Variants in SLC16A2 observed in about 807,000 individuals in gnomAD.
The protein encoded by SLC16A2 is solute carrier family 16 member 2, also known as monocarboxylate transporter 8.
Under a neutral mutation model 27.2 loss-of-function variants are expected in SLC16A2, and 3 were observed. That is an observed-to-expected ratio of 0.11 (90% CI 0.05 to 0.28). The LOEUF is 0.28. SLC16A2 is among the 10% of genes least tolerant of loss of function. SLC16A2 has a pLI of 1.00. For synonymous variants in SLC16A2, 202 were observed against 187.8 expected (o/e 1.08, Z -0.62); for missense variants, 295 against 458.5 (o/e 0.64, Z 3.26).
chrX:74,502,178 A>G (rs1223683303), intron 1 of SLC16A2, among the ~76,000 whole-genome samples: 1 of 111,342 alleles, frequency 9.0e-6, no homozygotes, highest in East Asian at 2.8e-4. Context: ...GTTTCTCCAC[A>G]TGTAAAATGA....
At chrX:74,449,802 C>A (rs891315465) in intron 1 of SLC16A2, among the ~76,000 whole-genome samples, 14 of 111,853 alleles carry the variant, frequency 1.3e-4, no homozygotes, top group Admixed American at 1.2e-3. Flanking sequence ...GGCCTTGATT[C>A]ATCCTGGTTG....
At chrX:74,519,614 G>A (rs1436860379) in intron 1 of SLC16A2, among the ~76,000 whole-genome samples, 1 of 102,376 alleles carries the variant, frequency 9.8e-6, no homozygotes, top group Non-Finnish European at 2.0e-5. Flanking sequence ...TACTCAGGAG[G>A]CTGAGGCAGG....
intron 1 of SLC16A2, chrX:74,477,083 A>G (rs899971373): frequency 8.9e-6 from 1 of 112,122 alleles, no homozygotes; most frequent in Non-Finnish European, 1.9e-5. Context: ...CTCTGGTAGA[A>G]TTCGGCTGTG....
intron 2 of SLC16A2, among the ~76,000 whole-genome samples, chrX:74,522,942 T>C (rs1296027753): frequency 8.9e-6 from 1 of 111,810 alleles, no homozygotes; most frequent in Non-Finnish European, 1.9e-5. Context: ...TGGGGCAGGA[T>C]GCAGGCAGGG....
At chrX:74,433,023 G>A (rs1044706658) in intron 1 of SLC16A2, among the ~76,000 whole-genome samples, 1 of 111,688 alleles carries the variant, frequency 9.0e-6, no homozygotes, top group Non-Finnish European at 1.9e-5. Flanking sequence ...TTGTGTGTGT[G>A]CACATGTGTG....
intron 1 of SLC16A2, among the ~76,000 whole-genome samples, chrX:74,446,111 T>C (rs1225758616): frequency 9.0e-6 from 1 of 110,766 alleles, no homozygotes; most frequent in East Asian, 2.9e-4. Context: ...TAGTTGCGGG[T>C]GCCAAGATTT....
chrX:74,491,431 AG>A (rs1171569079), intron 1 of SLC16A2, among the ~76,000 whole-genome samples: 1 of 112,377 alleles, frequency 8.9e-6, no homozygotes, highest in African/African-American at 3.2e-5. Flanking sequence ...GCTAAGATAA[AG>A]GATTGTGGAG....
chrX:74,512,106 G>A (rs974548592), intron 1 of SLC16A2, among the ~76,000 whole-genome samples: 2 of 111,870 alleles, frequency 1.8e-5, no homozygotes, highest in African/African-American at 6.5e-5. Flanking sequence ...TGGATGTGCC[G>A]GCATAAGTCA....
At chrX:74,427,772 C>G (rs1928427456) in intron 1 of SLC16A2, among the ~76,000 whole-genome samples, 1 of 107,203 alleles carries the variant, frequency 9.3e-6, no homozygotes. Context: ...TACACATATA[C>G]ACATGTGCGC....
At chrX:74,460,092 A>G (rs1212431368) in intron 1 of SLC16A2, among the ~76,000 whole-genome samples, 1 of 111,916 alleles carries the variant, frequency 8.9e-6, no homozygotes, top group Non-Finnish European at 1.9e-5. Flanking sequence ...AAAATAAGTA[A>G]TACAGTAGAA....
chrX:74,449,578 G>A (rs1375851342), intron 1 of SLC16A2, among the ~76,000 whole-genome samples: 3 of 112,228 alleles, frequency 2.7e-5, no homozygotes, highest in Non-Finnish European at 5.6e-5. Flanking sequence ...GCAGTCAGAT[G>A]CAATTGAAGA....
In SLC16A2 at chrX:74,531,479, A is replaced by G; in HGVS notation, c.1546A>G (p.Lys516Glu). Residue 516 changes from lysine to glutamate, a missense_variant, in exon 6 of 6, where the codon AAG (lysine) becomes GAG (glutamate). Physicochemically the swap from Lys to Glu is moderately conservative, Grantham distance 56. Transcript: ENST00000587091. The stretch of plus-strand genomic sequence containing the variant: ...AGAGCAGAGAGATTCCAGCAAGGAT[A>G]AGATGTTGGCCCCTGACCCAGACCC... ...KKEQRDSSKDKMLAPDPDPNG... is the reference protein window; with the variant it reads ...KKEQRDSSKDEMLAPDPDPNG... 1.7e-6 allele frequency: 2 copies of G among 1,211,623 alleles called. No individual in the cohort carries two copies. Among genetic ancestry groups the G allele is most frequent in the Non-Finnish European group, 2.2e-6 (2 of 895,450 alleles).
intron 1 of SLC16A2, among the ~76,000 whole-genome samples, chrX:74,486,479 A>G (rs1929722848): frequency 8.9e-6 from 1 of 112,150 alleles, no homozygotes; most frequent in African/African-American, 3.2e-5. Flanking sequence ...TTAAAATTTC[A>G]TGTGCTCATC....
chrX:74,522,865 C>T (rs1246252933), intron 2 of SLC16A2, among the ~76,000 whole-genome samples: 1 of 111,883 alleles, frequency 8.9e-6, no homozygotes, highest in Non-Finnish European at 1.9e-5. Context: ...CTTCTCATGG[C>T]TAGAGCTCCA....
At chrX:74,508,431 A>C (rs1032939064) in intron 1 of SLC16A2, among the ~76,000 whole-genome samples, 15 of 112,159 alleles carry the variant, frequency 1.3e-4, no homozygotes, top group African/African-American at 4.5e-4. Flanking sequence ...AAATTTATCC[A>C]TAAGTATTAC....
intron 1 of SLC16A2, among the ~76,000 whole-genome samples, chrX:74,506,100 A>C (rs900925778): frequency 1.8e-5 from 2 of 111,693 alleles, no homozygotes; most frequent in African/African-American, 6.5e-5. Flanking sequence ...TGAGCTCTAG[A>C]CATCATTGCC....
intron 1 of SLC16A2, among the ~76,000 whole-genome samples, chrX:74,508,755 A>G (rs1269690332): frequency 1.8e-5 from 2 of 111,562 alleles, no homozygotes; most frequent in African/African-American, 6.5e-5. Flanking sequence ...GATATGTTAC[A>G]TAGGTAAACA....
intron 1 of SLC16A2, among the ~76,000 whole-genome samples, chrX:74,520,668 G>A (rs949559504): frequency 3.6e-5 from 4 of 111,658 alleles, no homozygotes; most frequent in Non-Finnish European, 7.5e-5. Context: ...AGACAAGCCT[G>A]ACCTTAGCTC....
rs1929882864 is a variant in SLC16A2 at position 74,493,801 on chromosome X, CT to C, written c.431-27188del. On this transcript the variant is annotated intron_variant, in intron 1 of 5. Coordinates refer to ENST00000587091, the MANE Select transcript of SLC16A2 (RefSeq NM_006517.5). ...GTGCGTGCATTCCCTCTCTGTCTCTCTGGGGCTTCAAGCTCTGAAAGTAGGG... is the reference window on the plus strand; with the variant it reads ...GTGCGTGCATTCCCTCTCTGTCTCTCGGGGCTTCAAGCTCTGAAAGTAGGG... Among the ~76,000 whole-genome samples the C allele has an allele frequency of 3.6e-5, 4 of 111,454 alleles. No individual in the cohort carries two copies. In the Admixed American group the frequency reaches 3.8e-4, roughly 11 times the overall value.
Sources: allele counts gnomAD v4.1 joint callset (sites outside exome capture counted in the v4.1 genomes callset), GRCh38; gene constraint gnomAD v4.1.1; transcripts MANE v1.5; gene names NCBI Gene and HGNC (gene_info 2026-07-23, HGNC 2026-07-21).